Variants in NPAT observed in about 807,000 individuals in gnomAD.
NPAT encodes protein NPAT.
Under a neutral mutation model 130.7 loss-of-function variants are expected in NPAT, and 52 were observed. The ratio of observed to expected loss-of-function variants is 0.40; its 90% CI spans 0.32 to 0.50. The LOEUF is 0.50. NPAT is among the 20% of genes least tolerant of loss of function. The pLI, the probability that NPAT is intolerant of heterozygous loss-of-function variation, is 0.68. For synonymous variants in NPAT, 580 were observed against 584.8 expected (o/e 0.99, Z 0.12); for missense variants, 1,687 against 1,662.6 (o/e 1.01, Z -0.26).
intron 5 of NPAT, among the ~76,000 whole-genome samples, chr11:108,189,797 G>C (rs1001401882): frequency 6.7e-6 from 1 of 150,128 alleles, no homozygotes; most frequent in African/African-American, 2.4e-5. Flanking sequence ...GTGAACCCGG[G>C]AGGCGGAGCT....
At chr11:108,180,144 T>C (rs768416413) in intron 10 of NPAT, among the ~76,000 whole-genome samples, 16 of 152,008 alleles carry the variant, frequency 1.1e-4, no homozygotes, top group Non-Finnish European at 2.2e-4. Flanking sequence ...CTGGCCAACA[T>C]GACAAAACCC....
In NPAT at chr11:108,186,462, A is replaced by G; in HGVS notation, c.726+20T>C. On this transcript the variant is annotated intron_variant, in intron 8 of 17. Transcript: ENST00000278612. ...AACTCAGGAATATTTTAAGTTGCAAAGTTTGGCAGAGTCACTTACTTTTTC... is the reference window on the plus strand; with the variant it reads ...AACTCAGGAATATTTTAAGTTGCAAGGTTTGGCAGAGTCACTTACTTTTTC... 6.3e-7 allele frequency: 1 copy of G among 1,597,234 alleles called. No individual in the cohort carries two copies. The highest frequency in any genetic ancestry group is 8.6e-7 in the Non-Finnish European group (1 of 1,164,636).
At chr11:108,170,478 T>C (rs2077940433) in intron 13 of NPAT, among the ~76,000 whole-genome samples, 1 of 152,194 alleles carries the variant, frequency 6.6e-6, no homozygotes, top group South Asian at 2.1e-4. Flanking sequence ...AGGACTACAC[T>C]TGTAACCCCA....
intron 15 of NPAT, among the ~76,000 whole-genome samples, chr11:108,164,511 A>C (rs538776609): frequency 6.6e-6 from 1 of 152,354 alleles, no homozygotes; most frequent in South Asian, 2.1e-4. Context: ...TGAATCCGGA[A>C]AGAAGACACA....
chr11:108,160,871 C>A lies in NPAT; in HGVS notation c.4206+9G>T. 6.2e-7 allele frequency: 1 copy of A among 1,608,278 alleles called. No individual in the cohort carries two copies. Among genetic ancestry groups the A allele is most frequent in the South Asian group, 1.1e-5 (1 of 90,458 alleles). ...GGTGTGGTTTTGAAATTAAAACTTT[C>A]AAACTTGCCTTAATTTTCTTCTTTT... is the stretch of plus-strand genomic sequence containing the variant. On this transcript the variant is annotated intron_variant, in intron 17 of 17. Coordinates refer to ENST00000278612, the MANE Select transcript of NPAT (RefSeq NM_002519.3).
intron 6 of NPAT, 92 bp downstream of exon 6, chr11:108,189,014 T>C: frequency 9.8e-7 from 1 of 1,017,538 alleles, no homozygotes; most frequent in South Asian, 1.4e-5. Flanking sequence ...GGGGCCATAA[T>C]TTTACACTAT....
intron 7 of NPAT, among the ~76,000 whole-genome samples, chr11:108,187,757 T>C (rs1464828559): frequency 6.6e-6 from 1 of 152,148 alleles, no homozygotes; most frequent in African/African-American, 2.4e-5. Context: ...TAAATGTGTG[T>C]GGAGCATAGA....
intron 7 of NPAT, among the ~76,000 whole-genome samples, 184 bp downstream of exon 7, chr11:108,187,914 G>C (rs1473388989): frequency 2.6e-5 from 4 of 152,094 alleles, no homozygotes; most frequent in East Asian, 1.9e-4. Context: ...TTAATTGAGA[G>C]ATGCAACCCA....
At chr11:108,167,361 A>G (rs768607388) in intron 15 of NPAT, among the ~76,000 whole-genome samples, 25 of 152,098 alleles carry the variant, frequency 1.6e-4, no homozygotes, top group Non-Finnish European at 2.8e-4. Context: ...ACTATCTGCC[A>G]CCACAGCTGG....
intron 1 of NPAT, among the ~76,000 whole-genome samples, chr11:108,199,119 G>A (rs1199980911): frequency 6.6e-6 from 1 of 152,194 alleles, no homozygotes; most frequent in Non-Finnish European, 1.5e-5. Context: ...CGTTTGCCAT[G>A]CTGTGGGCGG....
intron 15 of NPAT, among the ~76,000 whole-genome samples, chr11:108,167,462 C>T (rs2077912066): frequency 6.6e-6 from 1 of 152,198 alleles, no homozygotes; most frequent in Non-Finnish European, 1.5e-5. Flanking sequence ...ATCCTCCTGC[C>T]TCAGCCTCCC....
Position 108,161,249 on chromosome 11 carries a change from A to G in NPAT, c.3837T>C (p.His1279=). The G allele has an allele frequency of 6.2e-7, 1 of 1,614,090 alleles. No homozygotes were observed. The highest frequency in any genetic ancestry group is 2.2e-5 in the East Asian group (1 of 44,876). Residue 1279 remains histidine (H), a synonymous_variant, in exon 17 of 18, where the codon CAT becomes CAC. Coordinates refer to ENST00000278612, the MANE Select transcript of NPAT (RefSeq NM_002519.3). Reference sequence around the variant, plus strand: ...TGATAATATCTATAGGTTCTTCTTTATGTTTTTCCCCTGCCCCTGAGCCAG... The same window carrying G: ...TGATAATATCTATAGGTTCTTCTTTGTGTTTTTCCCCTGCCCCTGAGCCAG... ...RTPGSGAGEK[H]KEEPIDIIKA... is the part of the protein sequence containing the mutation.
At chr11:108,187,833 T>C (rs2078122837) in intron 7 of NPAT, among the ~76,000 whole-genome samples, 1 of 152,164 alleles carries the variant, frequency 6.6e-6, no homozygotes, top group Non-Finnish European at 1.5e-5. Context: ...ATAACATCAT[T>C]TGTAAGATAT....
chr11:108,186,204 A>G (rs1221580354), intron 8 of NPAT, among the ~76,000 whole-genome samples: 2 of 151,758 alleles, frequency 1.3e-5, no homozygotes, highest in Non-Finnish European at 2.9e-5. Context: ...TTTTGTAGAG[A>G]GGGGGTTTTA....
chr11:108,190,316 A>C (rs1012598307), intron 5 of NPAT, 144 bp downstream of exon 5: 48 of 102,484 alleles, frequency 4.7e-4, no homozygotes, highest in Non-Finnish European at 6.5e-4. Context: ...CTGTCTCAAA[A>C]AAAAAAAAAA....
chr11:108,176,148 TGAACAAC>T (rs2078003597), intron 12 of NPAT, 91 bp downstream of exon 12: 1 of 924,964 alleles, frequency 1.1e-6, no homozygotes, highest in South Asian at 1.4e-5. Flanking sequence ...TATAACAATC[TGAACAAC>T]TTCTACTTCC....
intron 1 of NPAT, 58 bp from the exon 2 acceptor site, chr11:108,197,478 C>G (rs2078234346): frequency 9.2e-7 from 1 of 1,092,554 alleles, no homozygotes; most frequent in Non-Finnish European, 1.4e-6. Context: ...TTGGTTAAAA[C>G]TGCTATTGAA....
intron 10 of NPAT, among the ~76,000 whole-genome samples, chr11:108,182,313 A>G (rs954312900): frequency 6.6e-6 from 1 of 152,086 alleles, no homozygotes; most frequent in African/African-American, 2.4e-5. Flanking sequence ...GAAGAGTGAG[A>G]GCTCTCTCCC....
rs754929009 is a variant in NPAT at position 108,161,480 on chromosome 11, A to G, written c.3606T>C (p.Ala1202=). ...GTTTTTTGGTCATTTCTTGCAGTGA[A>G]GCTATAGATTTCTCACTTCGCAAAC... ...NGGLRSEKSI[A]SLQEMTKKQG... Residue 1202 remains alanine, a synonymous_variant, in exon 17 of 18, where the codon GCT becomes GCC. Coordinates refer to ENST00000278612, the MANE Select transcript of NPAT (RefSeq NM_002519.3). 1.3e-5 allele frequency: 21 copies of G among 1,614,194 alleles called. No individual in the cohort carries two copies. Among genetic ancestry groups the G allele is most frequent in the Non-Finnish European group, 1.6e-5 (19 of 1,180,030 alleles).
Sources: allele counts gnomAD v4.1 joint callset (sites outside exome capture counted in the v4.1 genomes callset), GRCh38; gene constraint gnomAD v4.1.1; transcripts MANE v1.5; gene names NCBI Gene and HGNC (gene_info 2026-07-23, HGNC 2026-07-21).